The following PCDH9 variants were observed in gnomAD, a reference collection of about 807,000 sequenced individuals.
PCDH9 encodes the protein protocadherin 9.
A neutral mutation model predicts 70.6 loss-of-function variants in PCDH9; 24 were observed. The observed-to-expected ratio is 0.34, with a 90% CI of 0.25 to 0.48. PCDH9 has a LOEUF of 0.48. PCDH9 is among the 20% of genes least tolerant of loss of function. The pLI is 0.99. For missense variants in PCDH9, 1,281 were observed against 1,503.6 expected (o/e 0.85, Z 2.45); for synonymous variants, 562 against 558.5 (o/e 1.01, Z -0.09).
chr13:66,920,520 T>C (rs1395569769), intron 2 of PCDH9, among the ~76,000 whole-genome samples: 1 of 150,888 alleles, frequency 6.6e-6, no homozygotes, highest in African/African-American at 2.4e-5. Flanking sequence ...TTAATAACCT[T>C]CCCCACCAGA....
At chr13:66,966,645 C>T (rs896341660) in intron 2 of PCDH9, among the ~76,000 whole-genome samples, 1 of 152,034 alleles carries the variant, frequency 6.6e-6, no homozygotes, top group Non-Finnish European at 1.5e-5. Context: ...TTCTATAATT[C>T]TATGATTTAA....
intron 4 of PCDH9, among the ~76,000 whole-genome samples, chr13:66,630,446 T>C (rs2077555138): frequency 6.6e-6 from 1 of 152,166 alleles, no homozygotes; most frequent in South Asian, 2.1e-4. Context: ...GTGTTTTTTA[T>C]TAGCAAAAGC....
chr13:66,641,819 T>C (rs1048730327), intron 3 of PCDH9, among the ~76,000 whole-genome samples: 4 of 152,100 alleles, frequency 2.6e-5, no homozygotes, highest in Admixed American at 1.3e-4. Flanking sequence ...AACTACCAAA[T>C]AAAAAAAGAA....
At chr13:66,310,831 A>G (rs940092404) in intron 4 of PCDH9, among the ~76,000 whole-genome samples, 27 of 152,072 alleles carry the variant, frequency 1.8e-4, no homozygotes, top group Admixed American at 4.6e-4. Context: ...TTTTTATTAT[A>G]GGCAAATTCC....
chr13:66,964,628 A>T (rs1284055108), intron 2 of PCDH9, among the ~76,000 whole-genome samples: 3 of 151,946 alleles, frequency 2.0e-5, no homozygotes, highest in Non-Finnish European at 2.9e-5. Context: ...AAAAAAAAAT[A>T]TTCTTCAGGA....
chr13:66,634,722 A>G (rs2077615320), intron 3 of PCDH9, among the ~76,000 whole-genome samples: 1 of 152,106 alleles, frequency 6.6e-6, no homozygotes, highest in Admixed American at 6.6e-5. Flanking sequence ...GAAATTTAAA[A>G]CTACATTTTT....
intron 3 of PCDH9, among the ~76,000 whole-genome samples, chr13:66,848,104 T>C (rs947279039): frequency 3.9e-5 from 6 of 152,212 alleles, no homozygotes; most frequent in African/African-American, 1.4e-4. Context: ...GCGTATCTCC[T>C]ATATCCATGC....
chr13:66,312,370 G>T (rs921564062), intron 4 of PCDH9, among the ~76,000 whole-genome samples: 3 of 152,152 alleles, frequency 2.0e-5, no homozygotes, highest in African/African-American at 7.2e-5. Flanking sequence ...GATAGATTAG[G>T]CTAGGCATGG....
At chr13:66,743,742 T>C (rs953978162) in intron 3 of PCDH9, among the ~76,000 whole-genome samples, 2 of 152,166 alleles carry the variant, frequency 1.3e-5, no homozygotes, top group Non-Finnish European at 2.9e-5. Flanking sequence ...AACACCATGT[T>C]ATATACCATA....
At chr13:66,325,643 A>T (rs1955829859) in intron 4 of PCDH9, among the ~76,000 whole-genome samples, 1 of 152,074 alleles carries the variant, frequency 6.6e-6, no homozygotes, top group South Asian at 2.1e-4. Context: ...GATCGTGTGC[A>T]CTTGCATTTA....
intron 4 of PCDH9, among the ~76,000 whole-genome samples, chr13:66,530,689 A>G (rs1400436245): frequency 6.6e-6 from 1 of 152,088 alleles, no homozygotes; most frequent in Admixed American, 6.6e-5. Flanking sequence ...TATCAGCAAC[A>G]TAGGTTTTTT....
At chr13:66,660,747 G>A (rs2077997001) in intron 3 of PCDH9, among the ~76,000 whole-genome samples, 1 of 151,744 alleles carries the variant, frequency 6.6e-6, no homozygotes, top group Non-Finnish European at 1.5e-5. Context: ...AAAATAGAAG[G>A]GAGGATATCA....
At chr13:66,463,123 C>T (rs1958454309) in intron 4 of PCDH9, among the ~76,000 whole-genome samples, 1 of 151,716 alleles carries the variant, frequency 6.6e-6, no homozygotes, top group South Asian at 2.1e-4. Context: ...AACTTAATCA[C>T]CTAAGTGATA....
chr13:66,478,467 G>T (rs970359839), intron 4 of PCDH9, among the ~76,000 whole-genome samples: 1 of 152,200 alleles, frequency 6.6e-6, no homozygotes, highest in African/African-American at 2.4e-5. Context: ...AAAAAGCTAG[G>T]CCTCTTGTGC....
chr13:67,052,246 A>G (rs935010455), intron 2 of PCDH9, among the ~76,000 whole-genome samples: 1 of 152,166 alleles, frequency 6.6e-6, no homozygotes, highest in African/African-American at 2.4e-5. Context: ...GAGGGGGTCA[A>G]TGGGGACGTC....
At chr13:66,557,596 C>T (rs1384766718) in intron 4 of PCDH9, among the ~76,000 whole-genome samples, 2 of 152,150 alleles carry the variant, frequency 1.3e-5, no homozygotes, top group African/African-American at 2.4e-5. Flanking sequence ...CAGCATTGCC[C>T]TCTGTACTGG....
intron 2 of PCDH9, among the ~76,000 whole-genome samples, chr13:67,027,306 A>C (rs260142): frequency 0.96 from 146,551 of 152,120 alleles, 70,845 homozygotes; most frequent in East Asian, 1. Flanking sequence ...GAAAAACAAG[A>C]AATGGGGAAA....
At chr13:67,075,881 G>T (rs374440690) in intron 2 of PCDH9, among the ~76,000 whole-genome samples, 1 of 152,146 alleles carries the variant, frequency 6.6e-6, no homozygotes, top group East Asian at 1.9e-4. Flanking sequence ...CTACCTTGTG[G>T]AATATTTGAT....
chr13:67,202,805 T>C (rs2089248105), intron 2 of PCDH9: 1 of 152,080 alleles, frequency 6.6e-6, no homozygotes, highest in Non-Finnish European at 1.5e-5. Context: ...AATGGACTGA[T>C]GTATAAGTGA....
Sources: gnomAD v4.1 joint callset for allele counts (sites outside exome capture counted in the v4.1 genomes callset) on GRCh38, gnomAD v4.1.1 for gene constraint, MANE v1.5 for transcripts, NCBI Gene and HGNC (gene_info 2026-07-23, HGNC 2026-07-21) for gene names.